The following MAN1A1 variants were observed in gnomAD, a reference collection of about 807,000 sequenced individuals.
The protein encoded by MAN1A1 is mannosyl-oligosaccharide 1,2-alpha-mannosidase IA.
A neutral mutation model predicts 70.8 loss-of-function variants in MAN1A1; 29 were observed. That is an observed-to-expected ratio of 0.41 (90% CI 0.31 to 0.56). The LOEUF is 0.56. MAN1A1 is among the 20% of genes least tolerant of loss of function. MAN1A1 has a pLI of 0.29. For missense variants in MAN1A1, 747 were observed against 841.3 expected (o/e 0.89, Z 1.39); for synonymous variants, 349 against 330.1 (o/e 1.06, Z -0.62).
At chr6:119,247,188 G>A (rs1336237714) in intron 6 of MAN1A1, among the ~76,000 whole-genome samples, 1 of 152,180 alleles carries the variant, frequency 6.6e-6, no homozygotes, top group African/African-American at 2.4e-5. Context: ...CATTAATCTT[G>A]CCAAACCATG....
chr6:119,203,177 G>C (rs892071970), intron 7 of MAN1A1, among the ~76,000 whole-genome samples: 21 of 152,178 alleles, frequency 1.4e-4, no homozygotes, highest in Non-Finnish European at 2.6e-4. Flanking sequence ...GTTTCTGGCT[G>C]CATTTTTGTT....
At chr6:119,251,135 C>T (rs1027040444) in intron 5 of MAN1A1, among the ~76,000 whole-genome samples, 28 of 152,158 alleles carry the variant, frequency 1.8e-4, no homozygotes, top group Admixed American at 1.6e-3. Flanking sequence ...AGAAGGTCCT[C>T]CTATTTAGCC....
intron 11 of MAN1A1, among the ~76,000 whole-genome samples, chr6:119,183,880 C>A (rs1281474768): frequency 2.0e-5 from 3 of 152,078 alleles, no homozygotes; most frequent in African/African-American, 7.2e-5. Flanking sequence ...CAGCATCTTC[C>A]TTCTCAACAT....
chr6:119,233,861 C>T (rs1206163106), intron 6 of MAN1A1, among the ~76,000 whole-genome samples: 1 of 152,142 alleles, frequency 6.6e-6, no homozygotes, highest in East Asian at 1.9e-4. Context: ...TAGAGTGCCA[C>T]CAATGCAATT....
rs1582680543 is a variant in MAN1A1, at chr6:119,189,653, CAT to C, written c.1546+9_1546+10del. On this transcript the variant is annotated intron_variant, in intron 10 of 12. Transcript: ENST00000368468. Reference sequence around the variant, plus strand: ...GGAATAGACCATAAATGAAGAATAACATGTACTCACATGTTCGATTATATGAT... The same window carrying C: ...GGAATAGACCATAAATGAAGAATAACGTACTCACATGTTCGATTATATGAT... The C allele has an allele frequency of 1.2e-6, 2 of 1,612,260 alleles. No individual in the cohort carries two copies. The highest frequency in any genetic ancestry group is 1.7e-6 in the Non-Finnish European group (2 of 1,178,408).
In MAN1A1 at chr6:119,349,651, C is replaced by T; in HGVS notation, c.-332G>A. ...TCCTAGGCTGGGCTGAGCGCGCTGT[C>T]CCACGGTCCCGCAGCCCCGGCGCGG... On this transcript the variant is annotated 5_prime_UTR_variant, in exon 1 of 13. Transcript: ENST00000368468. The T allele has an allele frequency of 1.0e-6, 1 of 985,982 alleles. No individual in the cohort carries two copies. Among genetic ancestry groups the T allele is most frequent in the South Asian group, 4.7e-5 (1 of 21,294 alleles). The allele number at this position is 985,982 out of a possible 1,614,324, so 61.1% of individuals were successfully genotyped here. A position where few individuals can be genotyped will look rare whatever the true frequency, so the allele number is the denominator to read the frequency against.
At chr6:119,340,733 ATACTAAGT>A (rs1773574261) in intron 2 of MAN1A1, among the ~76,000 whole-genome samples, 1 of 152,190 alleles carries the variant, frequency 6.6e-6, no homozygotes, top group East Asian at 1.9e-4. Context: ...GCCCTCTCTC[ATACTAAGT>A]TGCTAATACT....
At chr6:119,180,513 TA>T (rs1773122855) in intron 11 of MAN1A1, 86 bp from the exon 12 acceptor site, 4 of 741,548 alleles carry the variant, frequency 5.4e-6, no homozygotes, top group Non-Finnish European at 6.8e-6. Flanking sequence ...CAAGTTCAGA[TA>T]AAACATTTTT....
chr6:119,340,586 C>A (rs550965697), intron 2 of MAN1A1, among the ~76,000 whole-genome samples: 4 of 152,274 alleles, frequency 2.6e-5, no homozygotes, highest in East Asian at 1.9e-4. Context: ...ACTGCCACCC[C>A]CTTTCTCATA....
chr6:119,338,168 T>C (rs576987091), intron 2 of MAN1A1, among the ~76,000 whole-genome samples: 1 of 152,112 alleles, frequency 6.6e-6, no homozygotes, highest in South Asian at 2.1e-4. Flanking sequence ...TACATTTATG[T>C]CAATCGTTAT....
chr6:119,184,118 G>A (rs191483758), intron 11 of MAN1A1, among the ~76,000 whole-genome samples: 1 of 152,160 alleles, frequency 6.6e-6, no homozygotes, highest in Non-Finnish European at 1.5e-5. Context: ...AGCTTTCCTG[G>A]GCCCTTACAA....
chr6:119,281,107 A>C (rs994520488), intron 5 of MAN1A1, among the ~76,000 whole-genome samples: 2 of 152,210 alleles, frequency 1.3e-5, no homozygotes, highest in African/African-American at 4.8e-5. Context: ...TATTTTCAGG[A>C]GAGGGGAAAC....
At chr6:119,342,692 T>C (rs943133288) in intron 2 of MAN1A1, among the ~76,000 whole-genome samples, 2 of 152,194 alleles carry the variant, frequency 1.3e-5, no homozygotes, top group African/African-American at 2.4e-5. Flanking sequence ...AGAACCTACT[T>C]GGGTGGAGAG....
chr6:119,325,422 C>T (rs1773120142), intron 2 of MAN1A1, among the ~76,000 whole-genome samples: 1 of 152,158 alleles, frequency 6.6e-6, no homozygotes. Flanking sequence ...CTTTGGGAGG[C>T]CGAGGTGGGT....
intron 2 of MAN1A1, among the ~76,000 whole-genome samples, chr6:119,329,745 T>C (rs1773257053): frequency 6.6e-6 from 1 of 152,160 alleles, no homozygotes; most frequent in South Asian, 2.1e-4. Flanking sequence ...ATCCTGCAGC[T>C]ACCACCCCAC....
chr6:119,316,600 T>C (rs1772861764), intron 2 of MAN1A1, among the ~76,000 whole-genome samples: 1 of 152,188 alleles, frequency 6.6e-6, no homozygotes, highest in Non-Finnish European at 1.5e-5. Context: ...TTAATACTTG[T>C]AATAAAAAGG....
At chr6:119,275,345 C>T (rs377189884) in intron 5 of MAN1A1, among the ~76,000 whole-genome samples, 54 of 84,778 alleles carry the variant, frequency 6.4e-4, no homozygotes, top group African/African-American at 8.7e-4. Flanking sequence ...CTCGCTCTGT[C>T]GCCCAGGCTG....
At chr6:119,318,371 T>G (rs572857525) in intron 2 of MAN1A1, among the ~76,000 whole-genome samples, 93 of 152,262 alleles carry the variant, frequency 6.1e-4, no homozygotes, top group Admixed American at 3.5e-3. Context: ...CAACATCAGA[T>G]CTTGGTGGTG....
At chr6:119,340,616 C>G (rs1184265550) in intron 2 of MAN1A1, among the ~76,000 whole-genome samples, 1 of 152,172 alleles carries the variant, frequency 6.6e-6, no homozygotes, top group Non-Finnish European at 1.5e-5. Context: ...CACAGACAAA[C>G]AGGCACCAGC....
Sources: gnomAD v4.1 joint callset for allele counts (sites outside exome capture counted in the v4.1 genomes callset) on GRCh38, gnomAD v4.1.1 for gene constraint, MANE v1.5 for transcripts, NCBI Gene and HGNC (gene_info 2026-07-23, HGNC 2026-07-21) for gene names.